Variants in VEPH1 observed in about 807,000 individuals in gnomAD.
VEPH1 encodes the protein ventricular zone-expressed PH domain-containing protein homolog 1.
A neutral mutation model predicts 85.2 loss-of-function variants in VEPH1; 80 were observed. That is an observed-to-expected ratio of 0.94 (90% confidence interval 0.78 to 1.13). The LOEUF (loss-of-function observed/expected upper bound fraction) is 1.13, where lower values mean the gene tolerates loss of function less well. Among genes scored for constraint, VEPH1 ranks in the 50% most tolerant of loss-of-function variants. The probability of loss-of-function intolerance (pLI) is 0.00; values close to 1 mark genes in which losing one functional copy is unlikely to be tolerated. For missense variants in VEPH1, 955 were observed against 980.5 expected (o/e 0.97, Z 0.35); for synonymous variants, 297 against 348.0 (o/e 0.85, Z 1.63).
At chr3:157,337,073 G>T (rs1723038373) in intron 9 of VEPH1, among the ~76,000 whole-genome samples, 1 of 151,036 alleles carries the variant, frequency 6.6e-6, no homozygotes, top group South Asian at 2.1e-4. Flanking sequence ...ATTACGCTTA[G>T]TTTTAGTGTC....
chr3:157,379,455 G>A (rs73156772), intron 7 of VEPH1, among the ~76,000 whole-genome samples: 11,792 of 152,058 alleles, frequency 0.078, 619 homozygotes, highest in African/African-American at 0.14. Context: ...TGAAATATTC[G>A]ACTTTCTGGC....
intron 9 of VEPH1, among the ~76,000 whole-genome samples, chr3:157,362,645 G>A (rs1726178656): frequency 6.6e-6 from 1 of 152,080 alleles, no homozygotes; most frequent in African/African-American, 2.4e-5. Flanking sequence ...TTTCAGTACA[G>A]CATTCAATAA....
Position 157,385,407 on chromosome 3 carries a change from G to A in VEPH1, c.907-4031C>T, listed in dbSNP as rs185083685. Among the ~76,000 whole-genome samples the A allele has an allele frequency of 1.8e-3, 266 of 151,986 alleles. 1 individual carries two copies. The highest frequency in any genetic ancestry group is 6.4e-3 in the Admixed American group (98 of 15,282). On this transcript the variant is annotated intron_variant, in intron 6 of 13. Coordinates refer to ENST00000362010, the MANE Select transcript of VEPH1 (RefSeq NM_001167912.2). ...TCTCAAATCTTTTGGTTTTAGGACC[G>A]CTTTACACTCTTGAAAATGATCAAA... is the stretch of plus-strand genomic sequence containing the variant.
At chr3:157,452,461 T>A (rs942434349) in intron 4 of VEPH1, among the ~76,000 whole-genome samples, 6 of 152,196 alleles carry the variant, frequency 3.9e-5, no homozygotes, top group Admixed American at 2.0e-4. Context: ...AACCTCTAAT[T>A]CAACAAAAGG....
intron 12 of VEPH1, among the ~76,000 whole-genome samples, chr3:157,267,773 C>CCAAA (rs983979366): frequency 1.3e-5 from 2 of 152,082 alleles, no homozygotes; most frequent in Non-Finnish European, 2.9e-5. Flanking sequence ...GTCTCAAAAA[C>CCAAA]CAAACAAACA....
chr3:157,381,556 T>TA (rs1168529702), intron 6 of VEPH1, 180 bp from the exon 7 acceptor site: 1 of 606,154 alleles, frequency 1.6e-6, no homozygotes, highest in African/African-American at 1.9e-5. Context: ...CATCTCAACT[T>TA]AAAAATACAA....
At chr3:157,341,615 A>G (rs1363118243) in intron 9 of VEPH1, among the ~76,000 whole-genome samples, 1 of 152,250 alleles carries the variant, frequency 6.6e-6, no homozygotes, top group East Asian at 1.9e-4. Flanking sequence ...GATATTATCC[A>G]GGAGAACTTC....
chr3:157,497,839 G>C (rs756318914), intron 1 of VEPH1, among the ~76,000 whole-genome samples: 37 of 152,146 alleles, frequency 2.4e-4, no homozygotes, highest in Non-Finnish European at 1.2e-4. Flanking sequence ...GCCCTAAACA[G>C]AAACATCAAG....
intron 9 of VEPH1, among the ~76,000 whole-genome samples, chr3:157,347,047 C>T (rs956679115): frequency 6.6e-6 from 1 of 152,126 alleles, no homozygotes; most frequent in Non-Finnish European, 1.5e-5. Flanking sequence ...GAAACAATAA[C>T]ATCTTAAGCA....
intron 3 of VEPH1, among the ~76,000 whole-genome samples, chr3:157,464,450 T>C (rs60922199): frequency 0.038 from 5,809 of 152,298 alleles, 372 homozygotes; most frequent in African/African-American, 0.13. Context: ...TAACAGCAGC[T>C]GATAATGCCA....
intron 5 of VEPH1, among the ~76,000 whole-genome samples, chr3:157,420,055 A>G (rs1732210671): frequency 6.6e-6 from 1 of 152,160 alleles, no homozygotes; most frequent in South Asian, 2.1e-4. Flanking sequence ...CATTATCCTC[A>G]GCAAACTAAT....
chr3:157,300,802 A>T (rs1718702437), intron 11 of VEPH1, among the ~76,000 whole-genome samples: 1 of 152,234 alleles, frequency 6.6e-6, no homozygotes, highest in South Asian at 2.1e-4. Context: ...AATTGTTTAA[A>T]TGAGGGGCCC....
At chr3:157,488,656 C>T (rs1358983455) in intron 2 of VEPH1, among the ~76,000 whole-genome samples, 1 of 151,936 alleles carries the variant, frequency 6.6e-6, no homozygotes, top group Non-Finnish European at 1.5e-5. Flanking sequence ...AGTCTCAAGT[C>T]TGACAAGTTC....
intron 9 of VEPH1, among the ~76,000 whole-genome samples, chr3:157,324,822 G>T (rs1721723581): frequency 6.6e-6 from 1 of 152,104 alleles, no homozygotes; most frequent in South Asian, 2.1e-4. Context: ...ATTTTTAATA[G>T]AATTATTTAT....
At chr3:157,448,142 C>G (rs556623328) in intron 4 of VEPH1, among the ~76,000 whole-genome samples, 9 of 151,934 alleles carry the variant, frequency 5.9e-5, no homozygotes, top group African/African-American at 2.2e-4. Flanking sequence ...CTCCATTTTT[C>G]TGAGACTGCT....
intron 6 of VEPH1, chr3:157,409,724 A>G (rs1479517985): frequency 3.0e-6 from 3 of 985,286 alleles, no homozygotes. Flanking sequence ...ACACCCTGTC[A>G]TTTCCCAGTA....
intron 11 of VEPH1, among the ~76,000 whole-genome samples, chr3:157,311,779 GTTAGCAATAAAAAAT>G (rs1277074037): frequency 6.6e-6 from 1 of 152,038 alleles, no homozygotes; most frequent in East Asian, 1.9e-4. Flanking sequence ...TTAAAATACA[GTTAGCAATAAAAAAT>G]TTATGAGAAC....
intron 9 of VEPH1, among the ~76,000 whole-genome samples, chr3:157,323,107 T>C (rs1157755481): frequency 6.6e-6 from 1 of 152,234 alleles, no homozygotes; most frequent in Admixed American, 6.5e-5. Context: ...ATTTGTAAAA[T>C]ATATTAGTAT....
intron 4 of VEPH1, 138 bp from the exon 5 acceptor site, chr3:157,428,626 A>C: frequency 1.4e-6 from 1 of 727,580 alleles, no homozygotes; most frequent in African/African-American, 1.8e-5. Context: ...GCTAAAAATA[A>C]CATGGTACCT....
Sources: gnomAD v4.1 joint callset for allele counts (sites outside exome capture counted in the v4.1 genomes callset) on GRCh38, gnomAD v4.1.1 for gene constraint, MANE v1.5 for transcripts, NCBI Gene and HGNC (gene_info 2026-07-23, HGNC 2026-07-21) for gene names.